Variants in TMEM230 observed in about 807,000 individuals in gnomAD.
The protein encoded by TMEM230 is transmembrane protein 230.
A neutral mutation model predicts 15.8 loss-of-function variants in TMEM230; 10 were observed. The observed-to-expected ratio is 0.63, with a 90% CI of 0.39 to 1.07. TMEM230 has a LOEUF of 1.07. Among genes scored for constraint, TMEM230 ranks in the 50% least tolerant of loss-of-function variants. TMEM230 has a pLI of 0.01. For missense variants in TMEM230, 165 were observed against 193.3 expected (o/e 0.85, Z 0.87); for synonymous variants, 67 against 76.9 (o/e 0.87, Z 0.68).
intron 3 of TMEM230, among the ~76,000 whole-genome samples, chr20:5,073,084 A>T (rs1487531687): frequency 6.6e-6 from 1 of 152,122 alleles, no homozygotes; most frequent in African/African-American, 2.4e-5. Flanking sequence ...GTGGCATTTC[A>T]TGTGAGGTTC....
In TMEM230 at chr20:5,070,001, C is replaced by A. The variant is rs541687101; in HGVS notation, c.223-652G>T. ...CTGGGATTACAGGTGTGAGCCACTG[C>A]GCCCAGCAAATTCCCTTTTCTTTGA... On this transcript the variant is annotated intron_variant, in intron 3 of 3. Coordinates refer to the TMEM230 transcript ENST00000612323. 2.0e-5 allele frequency among the ~76,000 whole-genome samples: 3 copies of A among 152,258 alleles called. No individual in the cohort carries two copies. The South Asian group carries it at 6.2e-4, about 32-fold the overall frequency.
chr20:5,091,896 T>G (rs1022265966), intron 3 of TMEM230, among the ~76,000 whole-genome samples: 4 of 152,218 alleles, frequency 2.6e-5, no homozygotes, highest in Admixed American at 2.6e-4. Flanking sequence ...TTGGAGAACC[T>G]AAGTACATCA....
At chr20:5,088,258 G>A (rs920929200) in intron 3 of TMEM230, among the ~76,000 whole-genome samples, 2 of 147,678 alleles carry the variant, frequency 1.4e-5, no homozygotes, top group East Asian at 4.1e-4. Flanking sequence ...GCAGTGAGCC[G>A]AGGTCGTGCC....
intron 3 of TMEM230, among the ~76,000 whole-genome samples, chr20:5,107,376 C>A (rs943939220): frequency 2.6e-5 from 4 of 152,120 alleles, no homozygotes; most frequent in Non-Finnish European, 5.9e-5. Flanking sequence ...GTATGTCCTA[C>A]CACCCAGTGC....
the TMEM230 span, among the ~76,000 whole-genome samples, chr20:5,061,937 T>C: frequency 6.6e-6 from 1 of 152,030 alleles, no homozygotes; most frequent in Non-Finnish European, 1.5e-5. Flanking sequence ...AGTCCATTTA[T>C]AGGCCAGGCG....
chr20:5,066,909 C>T (rs544467685), downstream of TMEM230, among the ~76,000 whole-genome samples: 3 of 152,130 alleles, frequency 2.0e-5, no homozygotes, highest in African/African-American at 7.2e-5. Context: ...CACATACATC[C>T]AAGCCCCTGT....
chr20:5,101,594 A>G (rs2089866720), intron 4 of TMEM230, among the ~76,000 whole-genome samples: 1 of 151,788 alleles, frequency 6.6e-6, no homozygotes, highest in Non-Finnish European at 1.5e-5. Flanking sequence ...CTCATTTTGT[A>G]CATTTGTTTG....
At chr20:5,067,408 C>T (rs1314591687), downstream of TMEM230, 6 of 82,414 alleles carry the variant, frequency 7.3e-5, no homozygotes, top group Admixed American at 3.1e-4. Flanking sequence ...AGTGTTTAGG[C>T]TCATATATAT....
chr20:5,061,499 T>C, the TMEM230 span, among the ~76,000 whole-genome samples: 1 of 152,168 alleles, frequency 6.6e-6, no homozygotes, highest in Non-Finnish European at 1.5e-5. Context: ...AGTGCTAGCC[T>C]AGGCTGCCCT....
At position 5,112,942 on chromosome 20, in the gene TMEM230, T is replaced by C. The variant is rs2122870688; in HGVS notation, c.68+19A>G. ...CGAGAGGACGGTTCTGTCCCCGCCC[T>C]GCCGCACACACGCCTTACCGGAGCG... is the stretch of plus-strand genomic sequence containing the variant. On this transcript the variant is annotated intron_variant, in intron 1 of 4. Transcript: ENST00000342308. 1 of 1,549,782 alleles carries C rather than the reference T, an allele frequency of 6.5e-7. No homozygotes were observed. Among genetic ancestry groups the C allele is most frequent in the Non-Finnish European group, 8.7e-7 (1 of 1,146,646 alleles).
At chr20:5,066,670 C>CAA (rs71332869), downstream of TMEM230, among the ~76,000 whole-genome samples, 260 of 90,764 alleles carry the variant, frequency 2.9e-3, 1 homozygote, top group African/African-American at 8.1e-3. Context: ...GACTCTGTCT[C>CAA]AAAAAAAAAA....
chr20:5,108,836 A>C (rs2090196661), intron 3 of TMEM230, among the ~76,000 whole-genome samples: 1 of 152,218 alleles, frequency 6.6e-6, no homozygotes, highest in African/African-American at 2.4e-5. Context: ...ATTTATCACA[A>C]AGAATACCTT....
At chr20:5,112,182 T>C (rs6107577) in intron 1 of TMEM230, among the ~76,000 whole-genome samples, 11,299 of 152,308 alleles carry the variant, frequency 0.074, 1,179 homozygotes, top group African/African-American at 0.23. Context: ...GTAAAATAAC[T>C]AGCATAATTA....
chr20:5,099,125 A>T (rs1354977760), downstream of TMEM230, among the ~76,000 whole-genome samples: 2 of 152,040 alleles, frequency 1.3e-5, no homozygotes, highest in Non-Finnish European at 2.9e-5. Flanking sequence ...CAGGAATTCA[A>T]GGCTGCAGTG....
At chr20:5,109,137 C>CTGGA (rs1486151159) in intron 3 of TMEM230, 195 bp downstream of exon 2, 1 of 494,304 alleles carries the variant, frequency 2.0e-6, no homozygotes, top group African/African-American at 2.0e-5. Flanking sequence ...ATGGACAATA[C>CTGGA]TGGAATTGGT....
At chr20:5,083,212 G>C (rs901936890) in intron 3 of TMEM230, among the ~76,000 whole-genome samples, 2 of 151,428 alleles carry the variant, frequency 1.3e-5, no homozygotes, top group South Asian at 4.2e-4. Context: ...ACAGGCGTGA[G>C]CCACCGCACC....
At chr20:5,068,892 G>GT (rs556691777) in exon 4 of TMEM230, 60 of 305,632 alleles carry the variant, frequency 2.0e-4, no homozygotes, top group African/African-American at 1.3e-3. Context: ...ACCAAGGATG[G>GT]TATGAAGGGG....
chr20:5,104,468 A>G (rs1007439231), intron 4 of TMEM230, among the ~76,000 whole-genome samples: 8 of 152,254 alleles, frequency 5.3e-5, no homozygotes, highest in Admixed American at 6.5e-5. Context: ...TATAGCCACT[A>G]TGGAGAACAG....
intron 3 of TMEM230, among the ~76,000 whole-genome samples, chr20:5,082,234 TTCTC>T (rs59648052): frequency 5.4e-4 from 80 of 149,094 alleles, no homozygotes; most frequent in Middle Eastern, 3.5e-3. Context: ...CTCTCTCTCT[TTCTC>T]TCTCTCTCTC....
Sources: gnomAD v4.1 joint callset for allele counts (sites outside exome capture counted in the v4.1 genomes callset) on GRCh38, gnomAD v4.1.1 for gene constraint, MANE v1.5 for transcripts, NCBI Gene and HGNC (gene_info 2026-07-23, HGNC 2026-07-21) for gene names.